GPC6: variants seen among roughly 807,000 people sequenced by gnomAD.
The protein encoded by GPC6 is glypican 6.
A neutral mutation model predicts 55.2 loss-of-function variants in GPC6; 14 were observed. The ratio of observed to expected loss-of-function variants is 0.25; its 90% CI spans 0.17 to 0.40. The LOEUF (loss-of-function observed/expected upper bound fraction) is 0.40, where lower values mean the gene tolerates loss of function less well. Among genes scored for constraint, GPC6 ranks in the 10% least tolerant of loss-of-function variants. The probability of loss-of-function intolerance (pLI) is 1.00; values close to 1 mark genes in which losing one functional copy is unlikely to be tolerated. For missense variants in GPC6, 641 were observed against 708.5 expected (o/e 0.90, Z 1.08); for synonymous variants, 278 against 259.6 (o/e 1.07, Z -0.68).
intron 2 of GPC6, among the ~76,000 whole-genome samples, chr13:93,753,243 A>G (rs1884657628): frequency 6.6e-6 from 1 of 152,166 alleles, no homozygotes; most frequent in Admixed American, 6.5e-5. Flanking sequence ...GTGAACATTT[A>G]TATATAACCA....
intron 4 of GPC6, among the ~76,000 whole-genome samples, chr13:94,204,041 C>G (rs568272075): frequency 6.6e-6 from 1 of 152,038 alleles, no homozygotes; most frequent in Non-Finnish European, 1.5e-5. Flanking sequence ...GAAGGAATAT[C>G]CAATAAATTT....
intron 2 of GPC6, among the ~76,000 whole-genome samples, chr13:93,600,910 A>T (rs1041875418): frequency 7.0e-6 from 1 of 143,586 alleles, no homozygotes; most frequent in African/African-American, 2.6e-5. Flanking sequence ...AGATCACACC[A>T]TGGCACTCCA....
chr13:93,290,841 G>T (rs921305294), intron 1 of GPC6, among the ~76,000 whole-genome samples: 2 of 152,026 alleles, frequency 1.3e-5, no homozygotes, highest in Non-Finnish European at 2.9e-5. Flanking sequence ...TTGCTAAGGA[G>T]AATAAAATGT....
At chr13:93,277,395 C>A (rs1178949349) in intron 1 of GPC6, among the ~76,000 whole-genome samples, 3 of 152,184 alleles carry the variant, frequency 2.0e-5, no homozygotes, top group Non-Finnish European at 4.4e-5. Flanking sequence ...AAGGAAAGTG[C>A]TTTATAAATT....
intron 4 of GPC6, among the ~76,000 whole-genome samples, chr13:94,150,538 G>A (rs1887700922): frequency 6.6e-6 from 1 of 151,870 alleles, no homozygotes; most frequent in Admixed American, 6.6e-5. Flanking sequence ...CTCCTTAAAT[G>A]CAATATACTT....
At chr13:93,377,216 A>G (rs1177808910) in intron 1 of GPC6, among the ~76,000 whole-genome samples, 1 of 152,196 alleles carries the variant, frequency 6.6e-6, no homozygotes, top group African/African-American at 2.4e-5. Context: ...CCAGAGAAAC[A>G]CCAGAGCATT....
chr13:94,159,279 A>T (rs75590589), intron 4 of GPC6, among the ~76,000 whole-genome samples: 12,603 of 152,212 alleles, frequency 0.083, 592 homozygotes, highest in Middle Eastern at 0.22. Context: ...AGAGATGCAA[A>T]GGAAACCAGT....
intron 6 of GPC6, among the ~76,000 whole-genome samples, chr13:94,323,620 AAT>A (rs1243304209): frequency 2.6e-5 from 4 of 152,110 alleles, no homozygotes; most frequent in Admixed American, 2.6e-4. Context: ...AAGAGATGAG[AAT>A]ATAATGGGTG....
At chr13:93,646,632 C>A (rs1880185783) in intron 2 of GPC6, among the ~76,000 whole-genome samples, 1 of 151,992 alleles carries the variant, frequency 6.6e-6, no homozygotes, top group Admixed American at 6.6e-5. Context: ...TCCTTGAAGT[C>A]CTTAAGTTCT....
chr13:93,390,972 A>T (rs1208550147), intron 1 of GPC6, among the ~76,000 whole-genome samples: 1 of 151,994 alleles, frequency 6.6e-6, no homozygotes, highest in East Asian at 1.9e-4. Context: ...GTGGCTACTT[A>T]AATAAATACT....
intron 3 of GPC6, among the ~76,000 whole-genome samples, chr13:93,870,610 G>A (rs1023395809): frequency 1.3e-5 from 2 of 151,768 alleles, no homozygotes; most frequent in Admixed American, 6.6e-5. Context: ...ACTATATCTG[G>A]AGAGAGGGCC....
chr13:93,337,127 A>G (rs931523829), intron 1 of GPC6, among the ~76,000 whole-genome samples: 2 of 152,226 alleles, frequency 1.3e-5, no homozygotes. Context: ...AAATTCTTCA[A>G]TTAAAAACTG....
At chr13:93,666,550 A>T (rs1457911355) in intron 2 of GPC6, among the ~76,000 whole-genome samples, 3 of 152,210 alleles carry the variant, frequency 2.0e-5, no homozygotes, top group Non-Finnish European at 2.9e-5. Flanking sequence ...AGTGCCTCAT[A>T]GAGCCAACGT....
chr13:93,735,528 A>T (rs1204832437), intron 2 of GPC6, among the ~76,000 whole-genome samples: 3 of 151,992 alleles, frequency 2.0e-5, no homozygotes, highest in African/African-American at 7.2e-5. Flanking sequence ...CTCAAAAAAA[A>T]AAAAAAGAAG....
chr13:93,726,091 C>A (rs1883625169), intron 2 of GPC6, among the ~76,000 whole-genome samples: 1 of 140,952 alleles, frequency 7.1e-6, no homozygotes, highest in Non-Finnish European at 1.5e-5. Context: ...AAAATAAAGA[C>A]TTTTTCCTTC....
At chr13:93,627,025 T>G (rs1400406483) in intron 2 of GPC6, among the ~76,000 whole-genome samples, 1 of 152,034 alleles carries the variant, frequency 6.6e-6, no homozygotes, top group Admixed American at 6.6e-5. Context: ...ATTATTATAC[T>G]TTAAGTTCTG....
At chr13:93,572,994 A>G (rs1051578966) in intron 2 of GPC6, among the ~76,000 whole-genome samples, 2 of 152,140 alleles carry the variant, frequency 1.3e-5, no homozygotes, top group Admixed American at 1.3e-4. Context: ...TCAGATATCA[A>G]CTGAAGTGGT....
chr13:93,929,640 G>T (rs984219705), intron 3 of GPC6, among the ~76,000 whole-genome samples: 4 of 151,950 alleles, frequency 2.6e-5, no homozygotes, highest in Non-Finnish European at 4.4e-5. Flanking sequence ...AGACCTTCTT[G>T]CCCTGAAGGA....
rs545809857 is a variant in GPC6 at position 93,721,048 on chromosome 13, G to A, written c.320-109106G>A. 7.8e-4 allele frequency among the ~76,000 whole-genome samples: 119 copies of A among 152,138 alleles called. 1 individual carries two copies. The highest frequency in any genetic ancestry group is 2.9e-3 in the African/African-American group (119 of 41,530). On this transcript the variant is annotated intron_variant, in intron 2 of 8. Coordinates refer to ENST00000377047, the MANE Select transcript of GPC6 (RefSeq NM_005708.5). The stretch of plus-strand genomic sequence containing the variant: ...AAAAATGTATATTCTGTTGATTTAG[G>A]ATGGAGAGTTCTGTAGATGTCTATT...
Sources: gnomAD v4.1 joint callset for allele counts (sites outside exome capture counted in the v4.1 genomes callset) on GRCh38, gnomAD v4.1.1 for gene constraint, MANE v1.5 for transcripts, NCBI Gene and HGNC (gene_info 2026-07-23, HGNC 2026-07-21) for gene names.